The following CLRN1 variants were observed in gnomAD, a reference collection of about 807,000 sequenced individuals.
The protein encoded by CLRN1 is clarin-1.
A neutral mutation model predicts 18.7 loss-of-function variants in CLRN1; 15 were observed. That is an observed-to-expected ratio of 0.80 (90% CI 0.54 to 1.23). CLRN1 has a LOEUF of 1.23. Ranked by LOEUF, CLRN1 falls within the 50% of genes most tolerant of loss-of-function variation. The probability of loss-of-function intolerance (pLI) is 0.00; values close to 1 mark genes in which losing one functional copy is unlikely to be tolerated. For synonymous variants in CLRN1, 104 were observed against 102.9 expected (o/e 1.01, Z -0.07); for missense variants, 311 against 277.5 (o/e 1.12, Z -0.86).
chr3:150,960,630 C>G (rs935874827), intron 1 of CLRN1, among the ~76,000 whole-genome samples: 1 of 152,174 alleles, frequency 6.6e-6, no homozygotes, highest in African/African-American at 2.4e-5. Context: ...TTCTATTTCC[C>G]TTGTGCAATT....
At position 150,927,159 on chromosome 3, in the gene CLRN1, TC is replaced by T. The variant is rs1712844631; in HGVS notation, c.*776del. ...GTACTGTCGTGAATGTAATTGGGAC[TC>T]AGGCACGGGAGGAAAAATACCCTAA... On this transcript the variant is annotated 3_prime_UTR_variant, in exon 3 of 3. Coordinates refer to ENST00000327047, the MANE Select transcript of CLRN1 (RefSeq NM_174878.3). 3.1e-6 allele frequency: 2 copies of T among 645,826 alleles called. No individual in the cohort carries two copies. Among genetic ancestry groups the T allele is most frequent in the Non-Finnish European group, 5.6e-6 (2 of 354,832 alleles). The allele number at this position is 645,826 out of a possible 1,614,324, so 40.0% of individuals were successfully genotyped here.
intron 2 of CLRN1, among the ~76,000 whole-genome samples, chr3:150,934,696 A>G (rs1007939885): frequency 1.3e-5 from 2 of 152,172 alleles, no homozygotes; most frequent in Non-Finnish European, 2.9e-5. Flanking sequence ...TGGAATATAT[A>G]AAAGGCCCCC....
chr3:150,971,084 G>C (rs933687275), intron 1 of CLRN1, among the ~76,000 whole-genome samples: 9 of 152,300 alleles, frequency 5.9e-5, no homozygotes, highest in African/African-American at 1.9e-4. Flanking sequence ...TCTGTGAGAA[G>C]CTTTACTCAC....
chr3:150,966,046 G>C (rs142422143), intron 1 of CLRN1, among the ~76,000 whole-genome samples: 2 of 152,192 alleles, frequency 1.3e-5, no homozygotes, highest in African/African-American at 4.8e-5. Flanking sequence ...GAGGTCAGGC[G>C]TAGTGGCTTA....
At chr3:150,936,701 A>C (rs780138447) in intron 2 of CLRN1, among the ~76,000 whole-genome samples, 37 of 152,190 alleles carry the variant, frequency 2.4e-4, no homozygotes, top group Non-Finnish European at 3.4e-4. Flanking sequence ...TTGCAATTAG[A>C]ATCAATTCTA....
chr3:150,966,379 T>G (rs999782861), intron 1 of CLRN1, among the ~76,000 whole-genome samples: 4 of 152,212 alleles, frequency 2.6e-5, no homozygotes, highest in African/African-American at 9.7e-5. Flanking sequence ...TTCTTGCCAT[T>G]ATCAGTTTAA....
intron 1 of CLRN1, among the ~76,000 whole-genome samples, chr3:150,972,085 G>T (rs1715564128): frequency 6.6e-6 from 1 of 151,940 alleles, no homozygotes; most frequent in Non-Finnish European, 1.5e-5. Context: ...CCATGACCTT[G>T]GTTCTTTTTA....
chr3:150,927,310 G>C lies in CLRN1; in HGVS notation c.*626C>G. On this transcript the variant is annotated 3_prime_UTR_variant, in exon 3 of 3. Transcript: ENST00000327047. ...TATTTTATTTTTTAATTTTGTTAGTGACAGGGTCTCACTTTATTGCCCAGG... is the reference window on the plus strand; with the variant it reads ...TATTTTATTTTTTAATTTTGTTAGTCACAGGGTCTCACTTTATTGCCCAGG... 2.6e-6 allele frequency: 1 copy of C among 382,170 alleles called. No homozygotes were observed. The highest frequency in any genetic ancestry group is 2.1e-5 in the South Asian group (1 of 48,170). The allele number at this position is 382,170 out of a possible 1,614,324, so 23.7% of individuals were successfully genotyped here.
chr3:150,931,657 C>CT (rs1713154229), intron 2 of CLRN1, among the ~76,000 whole-genome samples: 1 of 152,168 alleles, frequency 6.6e-6, no homozygotes, highest in Non-Finnish European at 1.5e-5. Flanking sequence ...GCTTGAGGCT[C>CT]TTTACTGTGT....
chr3:150,963,591 G>A (rs919318179), intron 1 of CLRN1, among the ~76,000 whole-genome samples: 2 of 152,136 alleles, frequency 1.3e-5, no homozygotes, highest in Non-Finnish European at 2.9e-5. Flanking sequence ...AACCAAAAAA[G>A]AGCCTGAATA....
intron 2 of CLRN1, among the ~76,000 whole-genome samples, chr3:150,936,660 T>C (rs1413036824): frequency 6.6e-6 from 1 of 152,226 alleles, no homozygotes; most frequent in Non-Finnish European, 1.5e-5. Flanking sequence ...AGCTATCAGA[T>C]ATCTTTTTAA....
chr3:150,927,983 A>G lies in CLRN1; in HGVS notation c.652T>C (p.Ser218Pro). The G allele has an allele frequency of 6.2e-7, 1 of 1,614,192 alleles. No individual in the cohort carries two copies. Among genetic ancestry groups the G allele is most frequent in the East Asian group, 2.2e-5 (1 of 44,878 alleles). Residue 218 changes from serine (S) to proline (P), a missense_variant, in exon 3 of 3, where the codon TCT becomes CCT. Physicochemically the swap from Ser to Pro is moderately conservative, Grantham distance 74. Transcript: ENST00000327047. ...ACATTAGTTGTTTCTGCGTCTTTAG[A>G]TTTTGCAAAAGGGAACTGAAATCCA... ...LAGFQFPFAK[S>P]KDAETTNVAA... is the part of the protein sequence containing the mutation.
Position 150,972,686 on chromosome 3 carries a change from A to G in CLRN1, c.23T>C (p.Ile8Thr). 6.2e-7 allele frequency: 1 copy of G among 1,614,142 alleles called. No homozygotes were observed. ...GAACACTCCGGCCATGCAAAAAATG[A>G]TTTTCTTCTGTTGGCTTGGCATGAT... MPSQQKKIIFCMAGVFSF... is the reference protein window; with the variant it reads MPSQQKKTIFCMAGVFSF... The change falls in exon 1 of 3, where the codon ATC becomes ACC. Residue 8 changes from isoleucine (I) to threonine (T), a missense_variant. Transcript: ENST00000327047.
intron 2 of CLRN1, among the ~76,000 whole-genome samples, chr3:150,932,924 G>T (rs1408490614): frequency 6.6e-6 from 1 of 152,120 alleles, no homozygotes; most frequent in Non-Finnish European, 1.5e-5. Context: ...AACACCATTG[G>T]GTCTAGCCTT....
In CLRN1 at chr3:150,960,055, G is replaced by C. The variant is rs1047526535; in HGVS notation, c.253+12401C>G. 3.3e-5 allele frequency among the ~76,000 whole-genome samples: 5 copies of C among 152,238 alleles called. 2 individuals are homozygous for C. The highest frequency in any genetic ancestry group is 6.5e-5 in the Admixed American group (1 of 15,284). ...TAACTGAGCGGCAGCATGGCGGGTT[G>C]GGCAGGATGTGGCTTTTGGAGTTAG... On this transcript the variant is annotated intron_variant, in intron 1 of 2. Transcript: ENST00000327047.
chr3:150,940,527 A>AG (rs1206067937), intron 2 of CLRN1: 2 of 1,534,682 alleles, frequency 1.3e-6, no homozygotes, highest in Admixed American at 3.9e-5. Context: ...CAACTTCAGG[A>AG]GAAAAAGAAA....
chr3:150,928,068 G>C lies in CLRN1; in HGVS notation c.567C>G (p.Phe189Leu), dbSNP rs762126222. The C allele has an allele frequency of 2.5e-6, 4 of 1,614,034 alleles. No homozygotes were observed. The highest frequency in any genetic ancestry group is 3.4e-6 in the Non-Finnish European group (4 of 1,180,004). Residue 189 changes from phenylalanine to leucine, a missense_variant, in exon 3 of 3, where the codon TTC (phenylalanine) becomes TTG (leucine). By Grantham distance (22) the Phe-to-Leu change is conservative. Transcript: ENST00000327047. ...KTQSEKYTTSFWVIFFCFFVH... is the reference protein window; with the variant it reads ...KTQSEKYTTSLWVIFFCFFVH... ...CAAAAAAGCAAAAGAAAATGACCCA[G>C]AATGAGGTGGTATATTTTTCACTTT...
intron 2 of CLRN1, chr3:150,941,324 G>C (rs990231424): frequency 1.6e-5 from 6 of 379,590 alleles, no homozygotes; most frequent in Non-Finnish European, 2.9e-5. Context: ...TGAGACAAGC[G>C]TTTATCCTCT....
intron 1 of CLRN1, among the ~76,000 whole-genome samples, chr3:150,968,886 G>A (rs1003744313): frequency 1.3e-5 from 2 of 152,118 alleles, no homozygotes; most frequent in Admixed American, 1.3e-4. Flanking sequence ...TTCCTGGCTG[G>A]TGTCTACCAT....
Sources: gnomAD v4.1 joint callset for allele counts (sites outside exome capture counted in the v4.1 genomes callset) on GRCh38, gnomAD v4.1.1 for gene constraint, MANE v1.5 for transcripts, NCBI Gene and HGNC (gene_info 2026-07-23, HGNC 2026-07-21) for gene names.